The following CLEC16A variants were observed in gnomAD, a reference collection of about 807,000 sequenced individuals.
The protein encoded by CLEC16A is C-type lectin domain containing 16A, also known as protein CLEC16A.
A neutral mutation model predicts 109.5 loss-of-function variants in CLEC16A; 51 were observed. The ratio of observed to expected loss-of-function variants is 0.47; its 90% CI spans 0.37 to 0.59. The LOEUF (loss-of-function observed/expected upper bound fraction) is 0.59. CLEC16A is among the 20% of genes least tolerant of loss of function. The pLI, the probability that CLEC16A is intolerant of heterozygous loss-of-function variation, is 0.00. For synonymous variants in CLEC16A, 673 were observed against 564.2 expected (o/e 1.19, Z -2.73); for missense variants, 1,339 against 1,394.0 (o/e 0.96, Z 0.63).
At chr16:10,998,893 C>T (rs557979953) in intron 10 of CLEC16A, among the ~76,000 whole-genome samples, 11 of 152,196 alleles carry the variant, frequency 7.2e-5, no homozygotes, top group African/African-American at 1.7e-4. Context: ...GCAGGGTGAC[C>T]GGAGCAACAG....
intron 19 of CLEC16A, among the ~76,000 whole-genome samples, chr16:11,090,889 T>C (rs986424914): frequency 1.2e-4 from 18 of 149,752 alleles, no homozygotes; most frequent in African/African-American, 4.5e-4. Context: ...AGGCTCGTCT[T>C]GAACTCCTGA....
In CLEC16A at chr16:11,174,088, C is replaced by A. The variant is rs1293682925; in HGVS notation, c.2807-4247C>A. ...CGTCCGCTGCTGCTCAGTGTCCCCT[C>A]CATGTCGCCTCTGCCGTCCCATTGT... is the stretch of plus-strand genomic sequence containing the variant. On this transcript the variant is annotated intron_variant, in intron 23 of 23. Coordinates refer to ENST00000409790, the MANE Select transcript of CLEC16A (RefSeq NM_015226.3). The surrounding 1 kb of genome is among the most constrained non-coding windows in gnomAD (Gnocchi z 4.7). The A allele has an allele frequency of 2.3e-6, 1 of 439,070 alleles. No homozygotes were observed. The highest frequency in any genetic ancestry group is 4.8e-6 in the Non-Finnish European group (1 of 208,174). 27.2% of individuals were successfully genotyped at this position (439,070 alleles called of 1,614,324 possible).
chr16:11,166,505 G>T lies in CLEC16A; in HGVS notation c.2759G>T (p.Gly920Val). ...GSGSTSHCDS[G>V]GTSSSSTPST... ...GGGAGCACCAGCCACTGCGACTCTG[G>T]AGGCACCAGCTCGTCCTCCACCCCC... The change falls in exon 23 of 24, where the codon GGA becomes GTA. Residue 920 changes from glycine to valine, a missense_variant. By Grantham distance (109) the Gly-to-Val change is moderately radical (BLOSUM62 -3). Coordinates refer to ENST00000409790, the MANE Select transcript of CLEC16A (RefSeq NM_015226.3). 3 of 1,609,362 alleles carry T rather than the reference G, an allele frequency of 1.9e-6. No individual in the cohort carries two copies. The highest frequency in any genetic ancestry group is 2.5e-6 in the Non-Finnish European group (3 of 1,179,528).
chr16:11,000,421 C>T (rs1033712225), intron 10 of CLEC16A, among the ~76,000 whole-genome samples: 2 of 152,160 alleles, frequency 1.3e-5, no homozygotes, highest in South Asian at 4.1e-4. Context: ...TGCGCTTGGT[C>T]TCTATTTTCT....
At chr16:11,025,740 T>A (rs1052438257) in intron 13 of CLEC16A, among the ~76,000 whole-genome samples, 1 of 114,062 alleles carries the variant, frequency 8.8e-6, no homozygotes, top group African/African-American at 4.4e-5. Flanking sequence ...AGAACATACA[T>A]GATATAACTA....
intron 19 of CLEC16A, among the ~76,000 whole-genome samples, chr16:11,076,336 A>G (rs2049374072): frequency 6.6e-6 from 1 of 152,166 alleles, no homozygotes; most frequent in Admixed American, 6.6e-5. Flanking sequence ...CAGGGCTGCC[A>G]AAGCCAGCCT....
intron 12 of CLEC16A, among the ~76,000 whole-genome samples, chr16:11,021,960 G>A (rs907967667): frequency 6.6e-6 from 1 of 152,138 alleles, no homozygotes; most frequent in Admixed American, 6.6e-5. Flanking sequence ...CAAAAAAAGG[G>A]TTAAAAAAAC....
intron 19 of CLEC16A, among the ~76,000 whole-genome samples, chr16:11,115,046 T>A (rs2051881637): frequency 6.6e-6 from 1 of 152,356 alleles, no homozygotes; most frequent in Admixed American, 6.5e-5. Flanking sequence ...TTTTGTTCTT[T>A]GTGGTGGAGG....
intron 3 of CLEC16A, among the ~76,000 whole-genome samples, chr16:10,967,208 C>A (rs74985998): frequency 0.13 from 20,522 of 152,170 alleles, 1,344 homozygotes; most frequent in African/African-American, 0.15. Context: ...CAGGCCCACA[C>A]TGTGGCTTCC....
intron 1 of CLEC16A, among the ~76,000 whole-genome samples, chr16:10,945,391 G>A (rs966318523): frequency 5.3e-5 from 8 of 152,222 alleles, no homozygotes; most frequent in Non-Finnish European, 1.0e-4. Context: ...CTGGGGGCAT[G>A]CACGCTGAGA....
At chr16:10,948,821 T>C (rs1388783265) in intron 1 of CLEC16A, among the ~76,000 whole-genome samples, 2 of 152,180 alleles carry the variant, frequency 1.3e-5, no homozygotes, top group Non-Finnish European at 2.9e-5. Context: ...CTTTTTCCTG[T>C]TGGTGTCATT....
chr16:11,109,417 G>A (rs887293651), intron 19 of CLEC16A, among the ~76,000 whole-genome samples: 3 of 152,140 alleles, frequency 2.0e-5, no homozygotes, highest in African/African-American at 7.2e-5. Flanking sequence ...GCCTCCCAAA[G>A]TAATGGGATT....
At chr16:11,060,663 G>A (rs183532368) in intron 18 of CLEC16A, among the ~76,000 whole-genome samples, 2 of 152,264 alleles carry the variant, frequency 1.3e-5, no homozygotes, top group South Asian at 2.1e-4. Context: ...CTCAGTTCAG[G>A]TAAAGTAACC....
At position 11,040,552 on chromosome 16, in the gene CLEC16A, A is replaced by G. The variant is rs2047276921; in HGVS notation, c.1660+676A>G. ...TTTTGAGATGGAGTCTCGCACTGTC[A>G]CCTGGGCTGGAGTGTAATGGAGTGA... On this transcript the variant is annotated intron_variant, in intron 14 of 23. Transcript: ENST00000409790. 7.3e-5 allele frequency: 9 copies of G among 122,824 alleles called. No individual in the cohort carries two copies. The Admixed American group carries it at 9.2e-4, about 13-fold the overall frequency. 7.6% of individuals were successfully genotyped at this position (122,824 alleles called of 1,614,324 possible). A position where few individuals can be genotyped will look rare whatever the true frequency, so the allele number is the denominator to read the frequency against.
At chr16:11,088,072 C>T (rs2050107327) in intron 19 of CLEC16A, among the ~76,000 whole-genome samples, 1 of 152,234 alleles carries the variant, frequency 6.6e-6, no homozygotes, top group South Asian at 2.1e-4. Context: ...TTTCTCTCAG[C>T]TGGGGGCTCT....
At position 11,119,641 on chromosome 16, in the gene CLEC16A, C is replaced by T. The variant is rs1306590685; in HGVS notation, c.2117-974C>T. Among the ~76,000 whole-genome samples, 5 of 152,184 alleles carry T rather than the reference C, an allele frequency of 3.3e-5. No homozygotes were observed. In the East Asian group the frequency reaches 9.6e-4, roughly 29 times the overall value. On this transcript the variant is annotated intron_variant, in intron 19 of 23. Coordinates refer to ENST00000409790, the MANE Select transcript of CLEC16A (RefSeq NM_015226.3). ...TCCTGAGCTGAAGCGATCCTCCCTCCTCGGACTCCCAAAGTGCTGGAATTA... is the reference window on the plus strand; with the variant it reads ...TCCTGAGCTGAAGCGATCCTCCCTCTTCGGACTCCCAAAGTGCTGGAATTA...
At chr16:11,092,361 A>ACACACACACACACACAC (rs2050354709) in intron 19 of CLEC16A, among the ~76,000 whole-genome samples, 2 of 132,436 alleles carry the variant, frequency 1.5e-5, no homozygotes, top group Non-Finnish European at 1.6e-5. Flanking sequence ...AACAAAAACA[A>ACACACACACACACACAC]ACACACACAC....
At chr16:11,004,037 A>G (rs1045197005) in intron 11 of CLEC16A, among the ~76,000 whole-genome samples, 15 of 152,028 alleles carry the variant, frequency 9.9e-5, no homozygotes, top group African/African-American at 2.9e-4. Context: ...AATTCTCTCA[A>G]TTCTTACGTT....
At chr16:10,947,739 A>G (rs1349567850) in intron 1 of CLEC16A, among the ~76,000 whole-genome samples, 1 of 152,200 alleles carries the variant, frequency 6.6e-6, no homozygotes, top group Non-Finnish European at 1.5e-5. Flanking sequence ...ACAAACTAGT[A>G]TAAACTGGTC....
Sources: gnomAD v4.1 joint callset for allele counts (sites outside exome capture counted in the v4.1 genomes callset) on GRCh38, gnomAD v4.1.1 for gene constraint, Gnocchi (gnomAD v3.1) non-coding constraint, MANE v1.5 for transcripts, NCBI Gene and HGNC (gene_info 2026-07-23, HGNC 2026-07-21) for gene names.